SESTD1: variants seen among roughly 807,000 people sequenced by gnomAD.
SESTD1 encodes SEC14 domain and spectrin repeat-containing protein 1.
SESTD1 carries 43 observed loss-of-function variants against 101.7 expected under a neutral mutation model. That is an observed-to-expected ratio of 0.42 (90% CI 0.33 to 0.55). SESTD1 has a LOEUF of 0.55. Among genes scored for constraint, SESTD1 ranks in the 20% least tolerant of loss-of-function variants. SESTD1 has a pLI of 0.07. For missense variants in SESTD1, 647 were observed against 815.1 expected (o/e 0.79, Z 2.51); for synonymous variants, 283 against 286.8 (o/e 0.99, Z 0.13).
intron 1 of SESTD1, among the ~76,000 whole-genome samples, chr2:179,246,156 G>A (rs1329172417): frequency 6.6e-6 from 1 of 150,474 alleles, no homozygotes; most frequent in Non-Finnish European, 1.5e-5. Context: ...TCAGGAGGCT[G>A]AGGCAGGAGA....
rs374724352 is a variant in SESTD1, at chr2:179,110,063, A to G, written c.1962-35T>C. ...AAAACACACAGAAAAACCTCAGATT[A>G]ATACAAATCTATTAACTGCAGTGAA... On this transcript the variant is annotated intron_variant, in intron 17 of 17. Coordinates refer to ENST00000428443, the MANE Select transcript of SESTD1 (RefSeq NM_178123.5). 606 of 1,607,522 alleles carry G rather than the reference A, an allele frequency of 3.8e-4. 1 individual carries two copies. The highest frequency in any genetic ancestry group is 4.7e-4 in the Non-Finnish European group (548 of 1,176,434).
intron 1 of SESTD1, among the ~76,000 whole-genome samples, chr2:179,230,456 AAGCACTT>A (rs1163992930): frequency 3.3e-5 from 5 of 151,960 alleles, no homozygotes; most frequent in African/African-American, 9.7e-5. Context: ...CTCTTTAAAC[AAGCACTT>A]AGGAGTATGA....
At chr2:179,198,327 G>C (rs554695362) in intron 1 of SESTD1, among the ~76,000 whole-genome samples, 107 of 152,236 alleles carry the variant, frequency 7.0e-4, no homozygotes, top group African/African-American at 2.4e-3. Context: ...GACCTACAAA[G>C]AGACTTAGAC....
At chr2:179,225,731 T>G (rs781144097) in intron 1 of SESTD1, among the ~76,000 whole-genome samples, 1 of 152,174 alleles carries the variant, frequency 6.6e-6, no homozygotes, top group African/African-American at 2.4e-5. Context: ...TGTGTCTTCA[T>G]GTGACAGAAA....
At chr2:179,205,765 G>C (rs1378818290) in intron 1 of SESTD1, among the ~76,000 whole-genome samples, 2 of 134,958 alleles carry the variant, frequency 1.5e-5, no homozygotes, top group Non-Finnish European at 3.2e-5. Flanking sequence ...TGAACTGATA[G>C]ATAAAAAGTA....
Position 179,109,984 on chromosome 2 carries a change from G to A in SESTD1, c.2006C>T (p.Ala669Val). 2 of 1,613,784 alleles carry A rather than the reference G, an allele frequency of 1.2e-6. No individual in the cohort carries two copies. The highest frequency in any genetic ancestry group is 1.7e-6 in the Non-Finnish European group (2 of 1,179,826). Residue 669 changes from alanine (A) to valine (V), a missense_variant, in exon 18 of 18, where the codon GCA becomes GTA. Transcript: ENST00000428443. ...FGSPSDMASTAENIRDRMKLV... is the reference protein window; with the variant it reads ...FGSPSDMASTVENIRDRMKLV... ...TTTCATCCTGTCTCTGATGTTTTCT[G>A]CAGTAGAAGCCATGTCACTTGGACT...
rs111569029 is a variant in SESTD1, at chr2:179,201,979, C to G, written c.-25-10113G>C. ...AATAAAGAAAGAGGAATGCTTAGGA[C>G]AAGTCACAAAGTCCAAGCATGTCAA... On this transcript the variant is annotated intron_variant, in intron 1 of 17. Transcript: ENST00000428443. 7.9e-3 allele frequency among the ~76,000 whole-genome samples: 992 copies of G among 125,474 alleles called. 187 individuals are homozygous for G. Among genetic ancestry groups the G allele is most frequent in the Non-Finnish European group, 0.013 (796 of 60,014 alleles). 82.3% of individuals were successfully genotyped at this position (125,474 alleles called of 152,430 possible).
intron 6 of SESTD1, among the ~76,000 whole-genome samples, chr2:179,150,040 C>T (rs531213035): frequency 3.3e-5 from 5 of 151,984 alleles, no homozygotes; most frequent in Admixed American, 3.3e-4. Flanking sequence ...CTGGCCTGGG[C>T]AACATGGAGA....
intron 8 of SESTD1, 94 bp downstream of exon 8, chr2:179,146,308 G>A: frequency 1.7e-6 from 2 of 1,195,414 alleles, no homozygotes; most frequent in South Asian, 2.7e-5. Context: ...CCTTCCACAT[G>A]TACCACATTC....
intron 17 of SESTD1, among the ~76,000 whole-genome samples, chr2:179,110,950 A>G (rs2044492416): frequency 6.6e-6 from 1 of 152,218 alleles, no homozygotes. Context: ...CTTTTATCTT[A>G]AAAGGATGGA....
At chr2:179,186,238 C>T (rs2046230612) in intron 2 of SESTD1, among the ~76,000 whole-genome samples, 1 of 151,952 alleles carries the variant, frequency 6.6e-6, no homozygotes, top group African/African-American at 2.4e-5. Flanking sequence ...GGCAGAGCTA[C>T]AGTATCTATA....
chr2:179,117,618 T>C lies in SESTD1; in HGVS notation c.1443-5A>G. The C allele has an allele frequency of 6.4e-7, 1 of 1,558,662 alleles. No individual in the cohort carries two copies. The highest frequency in any genetic ancestry group is 8.6e-7 in the Non-Finnish European group (1 of 1,161,348). On this transcript the variant is annotated splice_region_variant and splice_polypyrimidine_tract_variant and intron_variant, in intron 13 of 17. Transcript: ENST00000428443. ...ACATCTACCATGTCTTCACATCTAA[T>C]GAACCCAAACATAAATTTAACTCAT... is the stretch of plus-strand genomic sequence containing the variant.
chr2:179,163,377 C>T (rs978619390), intron 5 of SESTD1, among the ~76,000 whole-genome samples: 1 of 151,974 alleles, frequency 6.6e-6, no homozygotes. Flanking sequence ...ATAGCCATCT[C>T]CATGAACATT....
intron 10 of SESTD1, among the ~76,000 whole-genome samples, chr2:179,130,614 C>A (rs932396780): frequency 2.6e-5 from 4 of 151,866 alleles, no homozygotes; most frequent in African/African-American, 9.7e-5. Flanking sequence ...AATTATTTAT[C>A]TTGGCATTTA....
chr2:179,227,211 C>T (rs2046900750), intron 1 of SESTD1, among the ~76,000 whole-genome samples: 1 of 152,164 alleles, frequency 6.6e-6, no homozygotes, highest in African/African-American at 2.4e-5. Flanking sequence ...TGGAAAAAGT[C>T]ACTATTTAAC....
chr2:179,154,362 A>T, intron 5 of SESTD1, among the ~76,000 whole-genome samples: 1 of 152,280 alleles, frequency 6.6e-6, no homozygotes, highest in Admixed American at 6.5e-5. Context: ...CATTTATTTC[A>T]CTTTTCATAT....
At chr2:179,225,896 A>G (rs1184941075) in intron 1 of SESTD1, among the ~76,000 whole-genome samples, 1 of 152,134 alleles carries the variant, frequency 6.6e-6, no homozygotes. Context: ...CCAACACATG[A>G]ATTTTGGGGG....
chr2:179,224,836 C>T (rs1296145403), intron 1 of SESTD1, among the ~76,000 whole-genome samples: 1 of 152,154 alleles, frequency 6.6e-6, no homozygotes, highest in African/African-American at 2.4e-5. Context: ...CTCTATGCCC[C>T]TTCCCATACA....
At chr2:179,118,128 G>C (rs1319695506) in intron 13 of SESTD1, among the ~76,000 whole-genome samples, 1 of 151,936 alleles carries the variant, frequency 6.6e-6, no homozygotes, top group Non-Finnish European at 1.5e-5. Flanking sequence ...GCATCACTAT[G>C]CCCAGCTAAA....
Sources: allele counts gnomAD v4.1 joint callset (sites outside exome capture counted in the v4.1 genomes callset), GRCh38; gene constraint gnomAD v4.1.1; transcripts MANE v1.5; gene names NCBI Gene and HGNC (gene_info 2026-07-23, HGNC 2026-07-21).